Variants in POU2AF2 observed in about 807,000 individuals in gnomAD.
The protein encoded by POU2AF2 is POU domain class 2-associating factor 2.
At chr11:111,266,543 G>A in the POU2AF2 span, among the ~76,000 whole-genome samples, 6 of 152,136 alleles carry the variant, frequency 3.9e-5, no homozygotes, top group South Asian at 2.1e-4. Flanking sequence ...TGATGCTAAC[G>A]TTAATATTGG....
chr11:111,284,005 C>A, the POU2AF2 span: 1 of 1,408,114 alleles, frequency 7.1e-7, no homozygotes, highest in Non-Finnish European at 9.9e-7. Context: ...CAGGCAGAGA[C>A]TCAGCTGCAA....
the POU2AF2 span, among the ~76,000 whole-genome samples, chr11:111,266,289 C>A: frequency 1.3e-5 from 2 of 152,104 alleles, no homozygotes; most frequent in Non-Finnish European, 2.9e-5. Flanking sequence ...TGTGTTTCCC[C>A]CGCTGGGTGC....
At chr11:111,285,771 G>T in the POU2AF2 span, 13 of 1,612,648 alleles carry the variant, frequency 8.1e-6, no homozygotes, top group African/African-American at 1.6e-4. Context: ...GAGTCCGGGA[G>T]CATCGCCCAG....
At chr11:111,271,324 A>C in the POU2AF2 span, among the ~76,000 whole-genome samples, 1 of 146,804 alleles carries the variant, frequency 6.8e-6, no homozygotes, top group Admixed American at 6.8e-5. Flanking sequence ...ACTCCATCTC[A>C]AAAAAAAAAA....
the POU2AF2 span, among the ~76,000 whole-genome samples, chr11:111,276,935 G>A: frequency 6.6e-6 from 1 of 152,216 alleles, no homozygotes; most frequent in East Asian, 1.9e-4. Context: ...TAGAAAGAAA[G>A]TCTGGGAAAG....
chr11:111,284,396 C>T, the POU2AF2 span: 9 of 1,568,718 alleles, frequency 5.7e-6, no homozygotes, highest in South Asian at 1.2e-5. Flanking sequence ...GCAGAGACCT[C>T]GTGTGAGGGA....
At chr11:111,256,204 C>T in the POU2AF2 span, 2 of 397,022 alleles carry the variant, frequency 5.0e-6, no homozygotes, top group African/African-American at 2.1e-5. Flanking sequence ...ACAAAGCCTT[C>T]CTTTAACTGG....
At chr11:111,263,955 C>A in the POU2AF2 span, among the ~76,000 whole-genome samples, 2 of 152,170 alleles carry the variant, frequency 1.3e-5, no homozygotes, top group Non-Finnish European at 2.9e-5. Flanking sequence ...GGTAGGTGCT[C>A]AATCAATGCC....
At chr11:111,252,584 C>G in the POU2AF2 span, among the ~76,000 whole-genome samples, 1 of 151,866 alleles carries the variant, frequency 6.6e-6, no homozygotes, top group Admixed American at 6.6e-5. Flanking sequence ...ATACCACCAC[C>G]CCGCCCACAC....
the POU2AF2 span, among the ~76,000 whole-genome samples, chr11:111,264,311 C>T: frequency 3.3e-5 from 5 of 151,970 alleles, no homozygotes; most frequent in Admixed American, 6.6e-5. Flanking sequence ...GCCTGGCCAA[C>T]GTGGTGAAAC....
At chr11:111,281,274 C>G in the POU2AF2 span, 1 of 695,846 alleles carries the variant, frequency 1.4e-6, no homozygotes, top group Non-Finnish European at 2.3e-6. Context: ...ACCTGAGGGT[C>G]AACCCAACTC....
the POU2AF2 span, chr11:111,286,131 A>G: frequency 2.6e-6 from 4 of 1,523,778 alleles, no homozygotes; most frequent in Non-Finnish European, 3.5e-6. Flanking sequence ...GTGTCAGCCC[A>G]TTCAGGACTG....
chr11:111,273,977 G>A, the POU2AF2 span, among the ~76,000 whole-genome samples: 1 of 152,102 alleles, frequency 6.6e-6, no homozygotes, highest in Non-Finnish European at 1.5e-5. Flanking sequence ...CAAAAGTTAT[G>A]GGCTCTTCAA....
the POU2AF2 span, chr11:111,284,320 G>T: frequency 5.0e-6 from 8 of 1,610,930 alleles, no homozygotes; most frequent in South Asian, 8.8e-5. Context: ...TCAGCGCCTC[G>T]CCCCTACCGC....
At chr11:111,263,639 G>T in the POU2AF2 span, among the ~76,000 whole-genome samples, 17 of 152,062 alleles carry the variant, frequency 1.1e-4, no homozygotes, top group African/African-American at 3.9e-4. Flanking sequence ...CACCATATTG[G>T]CCAGGCTGGT....
chr11:111,262,115 A>C, the POU2AF2 span, among the ~76,000 whole-genome samples: 1 of 152,230 alleles, frequency 6.6e-6, no homozygotes, highest in Non-Finnish European at 1.5e-5. Flanking sequence ...AAATCTCTAC[A>C]TCAAGGGCAT....
chr11:111,269,611 C>G, the POU2AF2 span, among the ~76,000 whole-genome samples: 1 of 152,126 alleles, frequency 6.6e-6, no homozygotes, highest in South Asian at 2.1e-4. Flanking sequence ...GCGGAACAGC[C>G]GTGGCAAGTC....
the POU2AF2 span, among the ~76,000 whole-genome samples, chr11:111,261,260 TACACACACACACAC>T: frequency 5.5e-3 from 775 of 141,022 alleles, 7 homozygotes; most frequent in African/African-American, 0.019. Flanking sequence ...TAGTACCAAA[TACACACACACACAC>T]ACACACACAC....
chr11:111,262,446 T>C, the POU2AF2 span, among the ~76,000 whole-genome samples: 7 of 152,234 alleles, frequency 4.6e-5, no homozygotes, highest in Admixed American at 2.0e-4. Flanking sequence ...GCTATACCAA[T>C]TGTGCACAAT....
Sources: gnomAD v4.1 joint callset for allele counts (sites outside exome capture counted in the v4.1 genomes callset) on GRCh38, gnomAD v4.1.1 for gene constraint, MANE v1.5 for transcripts, NCBI Gene and HGNC (gene_info 2026-07-23, HGNC 2026-07-21) for gene names.